GNPDA1: variants seen among roughly 807,000 people sequenced by gnomAD.
GNPDA1 encodes glucosamine-6-phosphate deaminase 1.
A neutral mutation model predicts 28.5 loss-of-function variants in GNPDA1; 24 were observed. That is an observed-to-expected ratio of 0.84 (90% CI 0.61 to 1.19). The LOEUF is 1.19. Among genes scored for constraint, GNPDA1 ranks in the 50% most tolerant of loss-of-function variants. The pLI is 0.00. For synonymous variants in GNPDA1, 147 were observed against 139.3 expected (o/e 1.06, Z -0.39); for missense variants, 264 against 367.3 (o/e 0.72, Z 2.30).
Position 142,003,094 on chromosome 5 carries a change from A to C in GNPDA1, c.763T>G (p.Phe255Val). Reference sequence around the variant, plus strand: ...GGACCCACACCTCCCTCACCTTTGAAATACTTGACAGTCTTCACTTTCAGC... The same window carrying C: ...GGACCCACACCTCCCTCACCTTTGACATACTTGACAGTCTTCACTTTCAGC... ...LELKVKTVKY[F>V]KGLMLVHNKL... is the part of the protein sequence containing the mutation. Residue 255 changes from phenylalanine (F) to valine (V), a missense_variant, in exon 6 of 7, where the codon TTC becomes GTC. Phe to Val is a conservative substitution (Grantham distance 50). Transcript: ENST00000311337. This position sits in a 1 kb window ranked among gnomAD's most constrained non-coding sequence, Gnocchi z 4.0. 1 of 1,612,470 alleles carries C rather than the reference A, an allele frequency of 6.2e-7. No individual in the cohort carries two copies. Among genetic ancestry groups the C allele is most frequent in the Admixed American group, 1.7e-5 (1 of 59,946 alleles).
intron 4 of GNPDA1, 134 bp downstream of exon 4, chr5:142,006,010 G>T: frequency 1.5e-6 from 1 of 686,658 alleles, no homozygotes; most frequent in Non-Finnish European, 2.5e-6. Flanking sequence ...GCCAGGCAGG[G>T]CCCATTTCTC....
intron 2 of GNPDA1, among the ~76,000 whole-genome samples, chr5:142,009,358 C>T (rs1561573224): frequency 6.6e-6 from 1 of 152,102 alleles, no homozygotes; most frequent in Non-Finnish European, 1.5e-5. Flanking sequence ...GCCACCATAT[C>T]CAACACTGCA....
In GNPDA1 at chr5:142,003,241, C is replaced by G; in HGVS notation, c.616G>C (p.Ala206Pro). 2 of 1,612,004 alleles carry G rather than the reference C, an allele frequency of 1.2e-6. No individual in the cohort carries two copies. The highest frequency in any genetic ancestry group is 1.7e-6 in the Non-Finnish European group (2 of 1,178,912). ...TTGTACAGAGCAAATGCCTTGTGAG[C>G]ACCTGTGATAAGGATCATCACCTGG... ...AREVMILITGAHKAFALYKAI... is the reference protein window; with the variant it reads ...AREVMILITGPHKAFALYKAI... The change falls in exon 6 of 7, where the codon GCT becomes CCT. Residue 206 changes from alanine (A) to proline (P), a missense_variant. Coordinates refer to ENST00000311337, the MANE Select transcript of GNPDA1 (RefSeq NM_005471.5). The surrounding 1 kb of genome is among the most constrained non-coding windows in gnomAD (Gnocchi z 4.0).
At position 142,003,698 on chromosome 5, in the gene GNPDA1, A is replaced by T. The variant is rs1161921902; in HGVS notation, c.595-436T>A. On this transcript the variant is annotated intron_variant, in intron 5 of 6. Transcript: ENST00000311337. The surrounding 1 kb of genome is among the most constrained non-coding windows in gnomAD (Gnocchi z 4.0). ...AGGGCACTTTGCAAGCAATGGTGGG[A>T]GTTATCTGTGGGGCCTCTAAGGCTG... 3.3e-5 allele frequency among the ~76,000 whole-genome samples: 5 copies of T among 152,204 alleles called. No individual in the cohort carries two copies. Among genetic ancestry groups the T allele is most frequent in the Admixed American group, 3.3e-4 (5 of 15,278 alleles).
At chr5:142,008,972 C>T (rs1318835372) in intron 2 of GNPDA1, among the ~76,000 whole-genome samples, 3 of 151,782 alleles carry the variant, frequency 2.0e-5, no homozygotes, top group Non-Finnish European at 4.4e-5. Flanking sequence ...AGGAGAATGT[C>T]CTTATTCTCA....
In GNPDA1 at chr5:142,007,888, A is replaced by G. The variant is rs778024054; in HGVS notation, c.137T>C (p.Leu46Pro). The stretch of plus-strand genomic sequence containing the variant: ...TTCAATCAGCTTCTTGTAGCAGCCA[A>G]GTGGGGTACTCCCTGCAAGAGTGGC... ...TLGLPTGSTP[L>P]GCYKKLIEYY... The change falls in exon 3 of 7, where the codon CTT (leucine) becomes CCT (proline). Residue 46 changes from leucine (L) to proline (P), a missense_variant. Physicochemically the swap from Leu to Pro is moderately conservative, Grantham distance 98. Transcript: ENST00000311337. The G allele has an allele frequency of 1.2e-6, 2 of 1,607,828 alleles. No individual in the cohort carries two copies. Among genetic ancestry groups the G allele is most frequent in the South Asian group, 2.2e-5 (2 of 90,938 alleles).
chr5:142,005,223 G>A (rs1448060718), intron 4 of GNPDA1, 107 bp from the exon 5 acceptor site: 1 of 848,764 alleles, frequency 1.2e-6, no homozygotes, highest in Non-Finnish European at 1.8e-6. Context: ...ATCATTGAAA[G>A]CTGTGTCACC....
chr5:142,003,030 C>T lies in GNPDA1; in HGVS notation c.769+58G>A. 1 of 1,441,088 alleles carries T rather than the reference C, an allele frequency of 6.9e-7. No individual in the cohort carries two copies. Among genetic ancestry groups the T allele is most frequent in the Non-Finnish European group, 9.5e-7 (1 of 1,048,168 alleles). 89.3% of individuals were successfully genotyped at this position (1,441,088 alleles called of 1,614,324 possible). On this transcript the variant is annotated intron_variant, in intron 6 of 6. Coordinates refer to ENST00000311337, the MANE Select transcript of GNPDA1 (RefSeq NM_005471.5). The surrounding 1 kb of genome is among the most constrained non-coding windows in gnomAD (Gnocchi z 4.0). ...CAGAGGATGAAAGCTGGATCTACTC[C>T]TTACTCCTAGCACACCCTAAGCTTG...
Sources: gnomAD v4.1 joint callset for allele counts (sites outside exome capture counted in the v4.1 genomes callset) on GRCh38, gnomAD v4.1.1 for gene constraint, Gnocchi (gnomAD v3.1) non-coding constraint, MANE v1.5 for transcripts, NCBI Gene and HGNC (gene_info 2026-07-23, HGNC 2026-07-21) for gene names.